Variants in CDH13 observed in about 807,000 individuals in gnomAD.
CDH13 encodes cadherin 13, also known as cadherin-13.
Under a neutral mutation model 63.8 loss-of-function variants are expected in CDH13, and 24 were observed. That is an observed-to-expected ratio of 0.38 (90% CI 0.27 to 0.53). CDH13 has a LOEUF of 0.53. Among genes scored for constraint, CDH13 ranks in the 20% least tolerant of loss-of-function variants. The pLI is 0.85. For synonymous variants in CDH13, 503 were observed against 355.3 expected, an observed-to-expected ratio of 1.42 and a Z score of -4.67; for missense variants, 1,049 against 903.1, an observed-to-expected ratio of 1.16 and a Z score of -2.07.
chr16:83,264,177 C>A (rs889545416), intron 5 of CDH13, among the ~76,000 whole-genome samples: 20 of 152,158 alleles, frequency 1.3e-4, no homozygotes, highest in Admixed American at 9.2e-4. Flanking sequence ...GCTGCCCAAC[C>A]CTGAATACAT....
intron 2 of CDH13, among the ~76,000 whole-genome samples, chr16:82,908,745 A>T (rs917942804): frequency 6.6e-6 from 1 of 152,120 alleles, no homozygotes; most frequent in African/African-American, 2.4e-5. Flanking sequence ...GAATACCAAA[A>T]TCTGCAGATA....
Position 83,100,330 on chromosome 16 carries a change from A to G in CDH13, c.367-25055A>G, listed in dbSNP as rs1361930587. Among the ~76,000 whole-genome samples the G allele has an allele frequency of 5.3e-5, 8 of 152,306 alleles. No homozygotes were observed. The South Asian group carries it at 1.0e-3, about 20-fold the overall frequency. On this transcript the variant is annotated intron_variant, in intron 3 of 13. Transcript: ENST00000567109. ...AATAAAGCACAGAAGGGAAATAGGA[A>G]GTGTTGGGGATACCATATATTTTGG...
chr16:82,760,122 T>G lies in CDH13; in HGVS notation c.46-98240T>G, dbSNP rs149719449. 5.1e-3 allele frequency among the ~76,000 whole-genome samples: 773 copies of G among 152,218 alleles called. 12 individuals carry two copies. The highest frequency in any genetic ancestry group is 4.1e-3 in the Non-Finnish European group (281 of 68,014). On this transcript the variant is annotated intron_variant, in intron 1 of 13. Transcript: ENST00000567109. ...TTGCACAATTTTCCTAAGCATAGAGTTTTTCTGGAACACAAATATTTTCCA... is the reference window on the plus strand; with the variant it reads ...TTGCACAATTTTCCTAAGCATAGAGGTTTTCTGGAACACAAATATTTTCCA...
chr16:83,372,240 C>T (rs1321511324), intron 6 of CDH13, among the ~76,000 whole-genome samples: 2 of 152,152 alleles, frequency 1.3e-5, no homozygotes, highest in Non-Finnish European at 2.9e-5. Flanking sequence ...ATATTTTACA[C>T]AAGATTGCTC....
At chr16:83,547,628 G>T (rs1263793746) in intron 7 of CDH13, among the ~76,000 whole-genome samples, 1 of 152,184 alleles carries the variant, frequency 6.6e-6, no homozygotes, top group Non-Finnish European at 1.5e-5. Flanking sequence ...CAAAGGACAT[G>T]ATCTTTCTTT....
intron 3 of CDH13, among the ~76,000 whole-genome samples, chr16:83,048,535 A>G (rs1275153820): frequency 6.6e-6 from 1 of 152,164 alleles, no homozygotes; most frequent in Non-Finnish European, 1.5e-5. Context: ...CTAAAGCAGT[A>G]AGTTGTACTC....
At chr16:82,650,729 C>G (rs185139857) in intron 1 of CDH13, among the ~76,000 whole-genome samples, 5 of 152,280 alleles carry the variant, frequency 3.3e-5, no homozygotes, top group East Asian at 1.9e-4. Context: ...GATCATGAAA[C>G]CTGCCAAAGA....
At chr16:83,098,880 C>G (rs2034335414) in intron 3 of CDH13, among the ~76,000 whole-genome samples, 1 of 152,090 alleles carries the variant, frequency 6.6e-6, no homozygotes, top group East Asian at 1.9e-4. Flanking sequence ...GACGTCAATG[C>G]TGGGAAAAAA....
chr16:83,525,077 G>A lies in CDH13; in HGVS notation c.960+38422G>A, dbSNP rs148284358. 1.8e-3 allele frequency among the ~76,000 whole-genome samples: 274 copies of A among 152,236 alleles called. 2 individuals are homozygous for A. The highest frequency in any genetic ancestry group is 6.1e-3 in the African/African-American group (255 of 41,534). On this transcript the variant is annotated intron_variant, in intron 7 of 13. Transcript: ENST00000567109. Reference sequence around the variant, plus strand: ...TCTGATGCACACAGTGGAATCAAACGGCAATTTACTTGTAATGAAAACCTC... The same window carrying A: ...TCTGATGCACACAGTGGAATCAAACAGCAATTTACTTGTAATGAAAACCTC...
At position 82,793,201 on chromosome 16, in the gene CDH13, T is replaced by A. The variant is rs141143231; in HGVS notation, c.46-65161T>A. Among the ~76,000 whole-genome samples, 565 of 152,330 alleles carry A rather than the reference T, an allele frequency of 3.7e-3. 7 individuals carry two copies. The highest frequency in any genetic ancestry group is 0.012 in the African/African-American group (484 of 41,576). On this transcript the variant is annotated intron_variant, in intron 1 of 13. Coordinates refer to ENST00000567109, the MANE Select transcript of CDH13 (RefSeq NM_001257.5). ...CCAGTGAAGCCATTGTGTCGCCTGTTAGTAATGAGCATTTGCAAGGGCAGC... is the reference window on the plus strand; with the variant it reads ...CCAGTGAAGCCATTGTGTCGCCTGTAAGTAATGAGCATTTGCAAGGGCAGC...
chr16:83,349,167 G>C (rs1029589794), intron 6 of CDH13, among the ~76,000 whole-genome samples: 2 of 152,226 alleles, frequency 1.3e-5, no homozygotes, highest in African/African-American at 4.8e-5. Flanking sequence ...TGACTTTGCA[G>C]ATCGTGAGCT....
chr16:83,477,591 C>T (rs73603827), intron 6 of CDH13, among the ~76,000 whole-genome samples: 1,790 of 152,216 alleles, frequency 0.012, 30 homozygotes, highest in African/African-American at 0.041. Flanking sequence ...AGATCATTCT[C>T]GGACAGATGA....
At chr16:83,195,345 A>C (rs1597496696) in intron 4 of CDH13, among the ~76,000 whole-genome samples, 1 of 152,336 alleles carries the variant, frequency 6.6e-6, no homozygotes, top group South Asian at 2.1e-4. Context: ...TAATTTATAA[A>C]GTAAAGAGGT....
intron 1 of CDH13, among the ~76,000 whole-genome samples, chr16:82,729,666 C>A (rs1327140924): frequency 2.0e-5 from 3 of 152,166 alleles, no homozygotes; most frequent in Non-Finnish European, 4.4e-5. Flanking sequence ...TTGGCTTCAA[C>A]TAAAAGTCAC....
intron 13 of CDH13, among the ~76,000 whole-genome samples, chr16:83,787,721 T>C (rs567220677): frequency 3.9e-5 from 6 of 152,274 alleles, no homozygotes; most frequent in African/African-American, 1.4e-4. Flanking sequence ...GGCAGGCAGA[T>C]CACTTGAGGT....
intron 2 of CDH13, among the ~76,000 whole-genome samples, chr16:82,977,847 A>C (rs917706391): frequency 2.6e-5 from 4 of 152,162 alleles, no homozygotes; most frequent in African/African-American, 9.7e-5. Flanking sequence ...CAATTTTGGA[A>C]CTTCCTAGAG....
intron 5 of CDH13, among the ~76,000 whole-genome samples, chr16:83,270,181 A>C (rs1362537230): frequency 2.6e-5 from 4 of 152,238 alleles, no homozygotes; most frequent in Non-Finnish European, 5.9e-5. Flanking sequence ...CTATTGAAAT[A>C]AGCCCAAAAA....
chr16:82,909,208 A>C (rs2041746395), intron 2 of CDH13, among the ~76,000 whole-genome samples: 1 of 151,570 alleles, frequency 6.6e-6, no homozygotes, highest in African/African-American at 2.4e-5. Flanking sequence ...TGATTGGTCA[A>C]ATTCACAGAT....
At chr16:83,738,826 A>C (rs1483942550) in intron 10 of CDH13, among the ~76,000 whole-genome samples, 1 of 152,124 alleles carries the variant, frequency 6.6e-6, no homozygotes, top group Non-Finnish European at 1.5e-5. Flanking sequence ...GAATCGCTTG[A>C]ACCCAGGAGG....
Sources: allele counts gnomAD v4.1 joint callset (sites outside exome capture counted in the v4.1 genomes callset), GRCh38; gene constraint gnomAD v4.1.1; transcripts MANE v1.5; gene names NCBI Gene and HGNC (gene_info 2026-07-23, HGNC 2026-07-21).